Variants in ST8SIA6 observed in about 807,000 individuals in gnomAD.
ST8SIA6 encodes ST8 alpha-N-acetyl-neuraminide alpha-2,8-sialyltransferase 6.
Under a neutral mutation model 33.6 loss-of-function variants are expected in ST8SIA6, and 39 were observed. The ratio of observed to expected loss-of-function variants is 1.16; its 90% CI spans 0.90 to 1.52. ST8SIA6 has a LOEUF of 1.52. Among genes scored for constraint, ST8SIA6 ranks in the 40% most tolerant of loss-of-function variants. The probability of loss-of-function intolerance (pLI) is 0.00; values close to 1 mark genes in which losing one functional copy is unlikely to be tolerated. For synonymous variants in ST8SIA6, 172 were observed against 167.2 expected (o/e 1.03, Z -0.22); for missense variants, 441 against 443.8 (o/e 0.99, Z 0.06).
chr10:17,394,672 T>A (rs1850739635), intron 2 of ST8SIA6, among the ~76,000 whole-genome samples: 1 of 152,168 alleles, frequency 6.6e-6, no homozygotes, highest in South Asian at 2.1e-4. Flanking sequence ...TCATCTAATG[T>A]CATTCAAACT....
intron 2 of ST8SIA6, among the ~76,000 whole-genome samples, chr10:17,406,560 T>C (rs1410180650): frequency 6.6e-6 from 1 of 152,206 alleles, no homozygotes; most frequent in East Asian, 1.9e-4. Flanking sequence ...TCTTTTCTTG[T>C]GAGTCTGTCC....
At chr10:17,348,803 A>G (rs923464036) in intron 4 of ST8SIA6, among the ~76,000 whole-genome samples, 17 of 151,764 alleles carry the variant, frequency 1.1e-4, no homozygotes, top group African/African-American at 4.1e-4. Flanking sequence ...CTTTTCATCT[A>G]TGCCCTTAGG....
chr10:17,374,764 T>TATACACAC (rs1554792823), intron 3 of ST8SIA6, among the ~76,000 whole-genome samples: 1 of 126,848 alleles, frequency 7.9e-6, no homozygotes, highest in African/African-American at 3.0e-5. Context: ...TATATATATA[T>TATACACAC]ATATTTAGCT....
At chr10:17,403,415 C>G (rs1279342089) in intron 2 of ST8SIA6, 2 of 152,240 alleles carry the variant, frequency 1.3e-5, no homozygotes, top group African/African-American at 2.4e-5. Context: ...CTGTGGGAAG[C>G]AAGCCTAAAA....
chr10:17,374,184 T>G (rs1386982336), intron 3 of ST8SIA6, among the ~76,000 whole-genome samples: 2 of 146,554 alleles, frequency 1.4e-5, no homozygotes, highest in Non-Finnish European at 3.0e-5. Flanking sequence ...ATAATCCCAT[T>G]TTTTTATCTT....
intron 2 of ST8SIA6, among the ~76,000 whole-genome samples, chr10:17,438,233 G>T (rs769222479): frequency 6.6e-6 from 1 of 152,138 alleles, no homozygotes; most frequent in Non-Finnish European, 1.5e-5. Flanking sequence ...CACTGGAGAA[G>T]AGTTATCATC....
At chr10:17,404,601 T>G (rs1327985127) in intron 2 of ST8SIA6, among the ~76,000 whole-genome samples, 1 of 152,168 alleles carries the variant, frequency 6.6e-6, no homozygotes, top group East Asian at 1.9e-4. Context: ...AAATTCTTCA[T>G]CCCTCACCAT....
chr10:17,318,836 G>C lies in ST8SIA6; in HGVS notation c.*2042C>G, dbSNP rs1847852000. 2.4e-6 allele frequency: 1 copy of C among 415,974 alleles called. No homozygotes were observed. The highest frequency in any genetic ancestry group is 4.8e-6 in the Non-Finnish European group (1 of 208,138). The allele number at this position is 415,974 out of a possible 1,614,324, so 25.8% of individuals were successfully genotyped here. ...GACATGCTGTATTGTAAACATTCAT[G>C]TTCTATCATATTTTAGAAAGTTCTA... On this transcript the variant is annotated 3_prime_UTR_variant, in exon 8 of 8. Coordinates refer to ENST00000377602, the MANE Select transcript of ST8SIA6 (RefSeq NM_001004470.3).
At chr10:17,340,414 G>T (rs959459963) in intron 4 of ST8SIA6, among the ~76,000 whole-genome samples, 2 of 151,672 alleles carry the variant, frequency 1.3e-5, no homozygotes, top group Non-Finnish European at 2.9e-5. Flanking sequence ...TGCCAAAACT[G>T]CTCACCCCGC....
At chr10:17,424,412 A>G (rs531456265) in intron 2 of ST8SIA6, among the ~76,000 whole-genome samples, 5 of 152,060 alleles carry the variant, frequency 3.3e-5, no homozygotes, top group East Asian at 1.9e-4. Flanking sequence ...CCTATTTCCA[A>G]GTTCTGTTGT....
chr10:17,331,579 G>C (rs1328128249), intron 4 of ST8SIA6, 27 bp from the exon 5 acceptor site: 1 of 1,589,150 alleles, frequency 6.3e-7, no homozygotes, highest in Non-Finnish European at 8.5e-7. Context: ...TGAAAAGGAA[G>C]CCAAAGTATA....
At chr10:17,333,092 A>G in intron 4 of ST8SIA6, among the ~76,000 whole-genome samples, 1 of 152,122 alleles carries the variant, frequency 6.6e-6, no homozygotes, top group South Asian at 2.1e-4. Flanking sequence ...ATTTCTATAC[A>G]TCAACAACAG....
intron 3 of ST8SIA6, among the ~76,000 whole-genome samples, chr10:17,382,166 G>A (rs1031913609): frequency 1.3e-5 from 2 of 152,060 alleles, no homozygotes; most frequent in South Asian, 4.1e-4. Context: ...AGACAAACTG[G>A]TCATAATTTA....
chr10:17,396,428 T>G (rs993292425), intron 2 of ST8SIA6, among the ~76,000 whole-genome samples: 3 of 152,194 alleles, frequency 2.0e-5, no homozygotes, highest in Non-Finnish European at 4.4e-5. Context: ...ACACTAGGCA[T>G]CCACTGTTTC....
At chr10:17,450,554 T>C (rs1306579984) in intron 2 of ST8SIA6, among the ~76,000 whole-genome samples, 2 of 152,122 alleles carry the variant, frequency 1.3e-5, no homozygotes, top group Non-Finnish European at 2.9e-5. Context: ...GATTCTCACC[T>C]CTCAGCCTCC....
chr10:17,333,986 G>T (rs1848419259), intron 4 of ST8SIA6, among the ~76,000 whole-genome samples: 1 of 148,810 alleles, frequency 6.7e-6, no homozygotes, highest in South Asian at 2.1e-4. Flanking sequence ...CTCCCAAAGT[G>T]CTGGGATTAC....
intron 4 of ST8SIA6, among the ~76,000 whole-genome samples, chr10:17,349,995 A>G (rs890621236): frequency 6.6e-6 from 1 of 152,186 alleles, no homozygotes; most frequent in African/African-American, 2.4e-5. Flanking sequence ...GGCTAGTGTA[A>G]TGAAGGTGAA....
chr10:17,389,500 G>A (rs1447950321), intron 3 of ST8SIA6, among the ~76,000 whole-genome samples: 2 of 152,074 alleles, frequency 1.3e-5, no homozygotes, highest in Non-Finnish European at 2.9e-5. Context: ...CATTGGACTG[G>A]GCACCTTCTA....
intron 2 of ST8SIA6, among the ~76,000 whole-genome samples, chr10:17,422,723 C>T (rs1018177158): frequency 6.6e-5 from 10 of 152,118 alleles, no homozygotes; most frequent in African/African-American, 1.9e-4. Context: ...ACTTTAATGA[C>T]GATGCTGTGT....
Sources: gnomAD v4.1 joint callset for allele counts (sites outside exome capture counted in the v4.1 genomes callset) on GRCh38, gnomAD v4.1.1 for gene constraint, MANE v1.5 for transcripts, NCBI Gene and HGNC (gene_info 2026-07-23, HGNC 2026-07-21) for gene names.